Variants in TGFB2 observed in about 807,000 individuals in gnomAD.
TGFB2 encodes transforming growth factor beta-2 proprotein.
A neutral mutation model predicts 42.7 loss-of-function variants in TGFB2; 13 were observed. That is an observed-to-expected ratio of 0.30 (90% confidence interval 0.20 to 0.48). TGFB2 has a LOEUF of 0.48. TGFB2 is among the 20% of genes least tolerant of loss of function. The probability of loss-of-function intolerance (pLI) is 0.99; values close to 1 mark genes in which losing one functional copy is unlikely to be tolerated. For missense variants in TGFB2, 390 were observed against 517.5 expected (o/e 0.75, Z 2.39); for synonymous variants, 193 against 193.6 (o/e 1.00, Z 0.03).
At chr1:218,366,940 T>C (rs962145783) in intron 1 of TGFB2, among the ~76,000 whole-genome samples, 1 of 152,220 alleles carries the variant, frequency 6.6e-6, no homozygotes, top group African/African-American at 2.4e-5. Context: ...GCCACGTGCT[T>C]TCCATTTTCC....
intron 1 of TGFB2, among the ~76,000 whole-genome samples, chr1:218,395,550 T>C (rs1295954146): frequency 6.6e-6 from 1 of 152,188 alleles, no homozygotes; most frequent in East Asian, 1.9e-4. Context: ...CTAGCCTCAC[T>C]TCGACTTTAG....
intron 1 of TGFB2, among the ~76,000 whole-genome samples, chr1:218,349,758 A>G (rs1656809164): frequency 6.6e-6 from 1 of 152,256 alleles, no homozygotes; most frequent in South Asian, 2.1e-4. Flanking sequence ...GATATTGTAT[A>G]TGCCCTGAGG....
At chr1:218,439,015 A>G (rs1478722737) in intron 6 of TGFB2, among the ~76,000 whole-genome samples, 1 of 151,472 alleles carries the variant, frequency 6.6e-6, no homozygotes, top group Non-Finnish European at 1.5e-5. Context: ...AGGTTGAGGC[A>G]GAGAATCGCT....
intron 1 of TGFB2, among the ~76,000 whole-genome samples, chr1:218,380,030 G>C (rs934742166): frequency 6.6e-6 from 1 of 152,126 alleles, no homozygotes; most frequent in Non-Finnish European, 1.5e-5. Flanking sequence ...ATTTGATCCT[G>C]GCAATAATAG....
chr1:218,364,822 T>TA (rs1240041665), intron 1 of TGFB2, among the ~76,000 whole-genome samples: 2 of 152,188 alleles, frequency 1.3e-5, no homozygotes, highest in East Asian at 3.9e-4. Flanking sequence ...GCAATGTGAA[T>TA]AAAAAGAGTG....
At chr1:218,402,719 A>T (rs1208404213) in intron 1 of TGFB2, among the ~76,000 whole-genome samples, 1 of 152,220 alleles carries the variant, frequency 6.6e-6, no homozygotes, top group African/African-American at 2.4e-5. Context: ...GGAAAATTGA[A>T]TGAGATGTTT....
chr1:218,420,558 G>A (rs1036526270), intron 2 of TGFB2, among the ~76,000 whole-genome samples: 2 of 151,698 alleles, frequency 1.3e-5, no homozygotes. Context: ...TTTTTTTAAT[G>A]AAGGAAACAA....
At chr1:218,435,365 C>T (rs900444984) in intron 4 of TGFB2, among the ~76,000 whole-genome samples, 2 of 152,096 alleles carry the variant, frequency 1.3e-5, no homozygotes, top group African/African-American at 4.8e-5. Flanking sequence ...TTGGGGAGCT[C>T]AAGTTTCTAA....
intron 1 of TGFB2, among the ~76,000 whole-genome samples, chr1:218,380,716 T>TG (rs1010486152): frequency 2.0e-5 from 3 of 151,140 alleles, no homozygotes; most frequent in Non-Finnish European, 3.0e-5. Flanking sequence ...ATGAATAGAG[T>TG]GGGGGTGGGT....
intron 1 of TGFB2, among the ~76,000 whole-genome samples, chr1:218,377,324 C>G (rs1228367772): frequency 6.6e-6 from 1 of 152,196 alleles, no homozygotes; most frequent in Non-Finnish European, 1.5e-5. Context: ...AGAAGCAAAA[C>G]ATAGATATCT....
chr1:218,353,927 A>G (rs192321715), intron 1 of TGFB2, among the ~76,000 whole-genome samples: 17 of 152,346 alleles, frequency 1.1e-4, no homozygotes, highest in African/African-American at 4.1e-4. Flanking sequence ...TTCTGGGCTT[A>G]GTCAGATGCC....
chr1:218,363,987 G>T (rs951388692), intron 1 of TGFB2, among the ~76,000 whole-genome samples: 3 of 152,078 alleles, frequency 2.0e-5, no homozygotes, highest in Non-Finnish European at 4.4e-5. Context: ...AAAATTATGA[G>T]ATTTTTTTTT....
chr1:218,349,443 C>G (rs1173176756), intron 1 of TGFB2, among the ~76,000 whole-genome samples: 2 of 152,342 alleles, frequency 1.3e-5, no homozygotes, highest in Non-Finnish European at 2.9e-5. Flanking sequence ...TTCTGCCTAA[C>G]TTTTAACTCA....
At chr1:218,423,573 G>A (rs1286397787) in intron 2 of TGFB2, among the ~76,000 whole-genome samples, 1 of 152,174 alleles carries the variant, frequency 6.6e-6, no homozygotes, top group Admixed American at 6.5e-5. Flanking sequence ...AGGGTTGCTA[G>A]TTAGAAGCCA....
At chr1:218,434,004 A>G (rs747118490) in intron 2 of TGFB2, 78 bp from the exon 3 acceptor site, 29 of 1,567,510 alleles carry the variant, frequency 1.9e-5, no homozygotes, top group East Asian at 4.5e-5. Flanking sequence ...ATGAATTAGA[A>G]CACTGTTAAT....
chr1:218,379,179 C>T (rs894541988), intron 1 of TGFB2, among the ~76,000 whole-genome samples: 2 of 147,456 alleles, frequency 1.4e-5, no homozygotes, highest in Non-Finnish European at 3.0e-5. Context: ...GTCACCCAGG[C>T]TGGAGTGCAG....
intron 1 of TGFB2, among the ~76,000 whole-genome samples, chr1:218,372,847 C>T (rs957730009): frequency 1.3e-5 from 2 of 152,130 alleles, no homozygotes; most frequent in Admixed American, 6.6e-5. Context: ...ATTCTGACTC[C>T]GTTGGTCTGG....
At chr1:218,348,295 C>A (rs1412426844) in intron 1 of TGFB2, among the ~76,000 whole-genome samples, 1 of 152,192 alleles carries the variant, frequency 6.6e-6, no homozygotes, top group African/African-American at 2.4e-5. Context: ...TTTGCAAAGT[C>A]TCTGTGTCTT....
intron 2 of TGFB2, among the ~76,000 whole-genome samples, chr1:218,431,176 G>C (rs1402517151): frequency 2.6e-5 from 4 of 152,226 alleles, no homozygotes; most frequent in Non-Finnish European, 5.9e-5. Flanking sequence ...TGAGTCTGGA[G>C]CTAGTGAAAA....
Sources: allele counts gnomAD v4.1 joint callset (sites outside exome capture counted in the v4.1 genomes callset), GRCh38; gene constraint gnomAD v4.1.1; transcripts MANE v1.5; gene names NCBI Gene and HGNC (gene_info 2026-07-23, HGNC 2026-07-21).